Variants in DCAF8L2 observed in about 807,000 individuals in gnomAD.
DCAF8L2 encodes the protein DDB1- and CUL4-associated factor 8-like protein 2.
For synonymous variants in DCAF8L2, 200 were observed against 190.9 expected (o/e 1.05, Z -0.39); for missense variants, 430 against 490.7 (o/e 0.88, Z 1.17).
the DCAF8L2 span, among the ~76,000 whole-genome samples, chrX:27,547,960 ATTATAAGC>A: frequency 2.0e-5 from 2 of 99,026 alleles, no homozygotes; most frequent in African/African-American, 7.7e-5. Context: ...TTACACCATG[ATTATAAGC>A]TTCCTGAGGC....
the DCAF8L2 span, among the ~76,000 whole-genome samples, chrX:27,481,584 A>G: frequency 9.0e-6 from 1 of 111,242 alleles, no homozygotes; most frequent in Non-Finnish European, 1.9e-5. Context: ...GTAATAAAAA[A>G]GCGATGCTAG....
intron 1 of DCAF8L2, among the ~76,000 whole-genome samples, chrX:27,592,417 G>GTTTTTTTTTTTTTTTGTTTTTTT (rs1248208449): frequency 4.8e-5 from 4 of 83,930 alleles, no homozygotes; most frequent in South Asian, 5.9e-4. Flanking sequence ...GTTTGTTTTT[G>GTTTTTTTTTTTTTTTGTTTTTTT]TTTTTTTTTT....
At chrX:27,714,544 C>T (rs1011123321) in intron 3 of DCAF8L2, among the ~76,000 whole-genome samples, 4 of 111,891 alleles carry the variant, frequency 3.6e-5, no homozygotes, top group African/African-American at 1.3e-4. Flanking sequence ...TGTTTATTCC[C>T]ATTGTATAAA....
chrX:27,697,958 G>C (rs1259658865), intron 3 of DCAF8L2, among the ~76,000 whole-genome samples: 2 of 110,496 alleles, frequency 1.8e-5, no homozygotes, highest in East Asian at 5.7e-4. Context: ...AAGAACTCTT[G>C]GCATTCAGGA....
the DCAF8L2 span, among the ~76,000 whole-genome samples, chrX:27,573,189 C>T: frequency 4.6e-5 from 5 of 108,975 alleles, no homozygotes; most frequent in South Asian, 2.0e-3. Context: ...GTACTCTTTG[C>T]CCATTTCTTA....
rs1233825194 is a variant in DCAF8L2, at chrX:27,747,269, GGGAGGAGGAGGAAGAGGA to G, written c.387_404del (p.Glu142_Glu147del). 9.1e-6 allele frequency: 10 copies of G among 1,100,296 alleles called. No individual in the cohort carries two copies. Among genetic ancestry groups the G allele is most frequent in the East Asian group, 6.8e-5 (2 of 29,522 alleles). The allele number at this position is 1,100,296 out of a possible 1,213,427, so 90.7% of individuals were successfully genotyped here. A position where few individuals can be genotyped will look rare whatever the true frequency, so the allele number is the denominator to read the frequency against. On this transcript the variant is annotated inframe_deletion, in exon 5 of 5. Coordinates refer to ENST00000451261, the MANE Select transcript of DCAF8L2 (RefSeq NM_001353450.2). ...GACGAAGAGATACAAGAGGAGGGAG[GGGAGGAGGAGGAAGAGGA>G]GGAGGAGGAGGAGGAGGAGGAGGAG...
chrX:27,632,494 C>T (rs1928331948), intron 2 of DCAF8L2: 1 of 111,531 alleles, frequency 9.0e-6, no homozygotes, highest in Non-Finnish European at 1.9e-5. Flanking sequence ...TTTGTGTACT[C>T]CTTGTTCACT....
At chrX:27,702,453 A>C (rs1463255645) in intron 3 of DCAF8L2, among the ~76,000 whole-genome samples, 1 of 34,651 alleles carries the variant, frequency 2.9e-5, no homozygotes, top group Non-Finnish European at 5.5e-5. Context: ...AAAATCCTCA[A>C]AAAAAAAAAC....
chrX:27,478,958 A>T, the DCAF8L2 span, among the ~76,000 whole-genome samples: 1 of 111,233 alleles, frequency 9.0e-6, no homozygotes, highest in Non-Finnish European at 1.9e-5. Flanking sequence ...AATCCCCTTT[A>T]TTTGTGTATG....
intron 4 of DCAF8L2, among the ~76,000 whole-genome samples, chrX:27,735,083 G>T (rs1302969059): frequency 9.0e-6 from 1 of 111,627 alleles, no homozygotes; most frequent in East Asian, 2.8e-4. Context: ...ATTCTTTGGA[G>T]ATATTGATAC....
chrX:27,600,670 T>A (rs1181687577), intron 1 of DCAF8L2, among the ~76,000 whole-genome samples: 1 of 112,146 alleles, frequency 8.9e-6, no homozygotes, highest in Non-Finnish European at 1.9e-5. Flanking sequence ...TTGTATTTGT[T>A]CAGACTGTCC....
intron 3 of DCAF8L2, among the ~76,000 whole-genome samples, chrX:27,714,527 A>C (rs1031310686): frequency 1.8e-5 from 2 of 112,074 alleles, no homozygotes; most frequent in African/African-American, 6.5e-5. Flanking sequence ...TTAGTTTAGT[A>C]GAGAAATGTT....
chrX:27,565,028 T>C, the DCAF8L2 span, among the ~76,000 whole-genome samples: 3 of 109,247 alleles, frequency 2.7e-5, no homozygotes, highest in Admixed American at 2.0e-4. Flanking sequence ...AATTAATGTG[T>C]TGTTAAAACT....
the DCAF8L2 span, among the ~76,000 whole-genome samples, chrX:27,476,456 C>T: frequency 2.7e-5 from 3 of 111,535 alleles, no homozygotes; most frequent in Admixed American, 2.9e-4. Flanking sequence ...CAATTACCAA[C>T]TTGGTGCATG....
In DCAF8L2 at chrX:27,720,928, A is replaced by C. The variant is rs984043179; in HGVS notation, c.-59+4757A>C. On this transcript the variant is annotated intron_variant, in intron 4 of 4. Coordinates refer to ENST00000451261, the MANE Select transcript of DCAF8L2 (RefSeq NM_001353450.2). The stretch of plus-strand genomic sequence containing the variant: ...TTATTTTTTACTTTATTAAAATTTG[A>C]GTTTTAAAATTTATTTCTTAAATAT... 2.2e-4 allele frequency among the ~76,000 whole-genome samples: 24 copies of C among 111,606 alleles called. No homozygotes were observed. In the East Asian group the frequency reaches 5.6e-3, roughly 26 times the overall value.
chrX:27,654,393 TATAG>T (rs749392778), intron 2 of DCAF8L2, among the ~76,000 whole-genome samples: 18 of 112,569 alleles, frequency 1.6e-4, no homozygotes, highest in African/African-American at 5.1e-4. Flanking sequence ...AACTCATTTT[TATAG>T]ATAGAGAGGA....
chrX:27,564,968 C>T, the DCAF8L2 span, among the ~76,000 whole-genome samples: 2 of 109,631 alleles, frequency 1.8e-5, no homozygotes, highest in African/African-American at 6.6e-5. Context: ...CATTAGGAAT[C>T]ACTCCCAATT....
At chrX:27,612,289 GTTAT>G (rs1354122579) in intron 1 of DCAF8L2, among the ~76,000 whole-genome samples, 2 of 111,660 alleles carry the variant, frequency 1.8e-5, no homozygotes, top group Middle Eastern at 4.2e-3. Context: ...TTTTGATGGG[GTTAT>G]TTGATTTTTT....
chrX:27,601,707 A>G (rs1005455904), intron 1 of DCAF8L2, among the ~76,000 whole-genome samples: 18 of 110,515 alleles, frequency 1.6e-4, no homozygotes, highest in Admixed American at 1.1e-3. Context: ...CTCAAAAAAA[A>G]AAAAAAACAA....
Sources: gnomAD v4.1 joint callset for allele counts (sites outside exome capture counted in the v4.1 genomes callset) on GRCh38, gnomAD v4.1.1 for gene constraint, MANE v1.5 for transcripts, NCBI Gene and HGNC (gene_info 2026-07-23, HGNC 2026-07-21) for gene names.